SI: variants seen among roughly 807,000 people sequenced by gnomAD.
SI encodes sucrase-isomaltase.
SI carries 235 observed loss-of-function variants against 253.3 expected under a neutral mutation model. The observed-to-expected ratio is 0.93, with a 90% CI of 0.83 to 1.03. The LOEUF is 1.03. Ranked by LOEUF, SI falls within the 50% of genes least tolerant of loss-of-function variation. SI has a pLI of 0.00. For synonymous variants in SI, 819 were observed against 712.0 expected, an observed-to-expected ratio of 1.15 and a Z score of -2.39; for missense variants, 2,442 against 2,211.1, an observed-to-expected ratio of 1.10 and a Z score of -2.09.
intron 15 of SI, among the ~76,000 whole-genome samples, chr3:165,048,666 G>A (rs1346116108): frequency 2.6e-5 from 4 of 151,142 alleles, no homozygotes; most frequent in African/African-American, 9.7e-5. Context: ...CACCCAGGCT[G>A]GAGTGCAGTG....
chr3:165,073,669 C>T (rs1714746980), intron 3 of SI, among the ~76,000 whole-genome samples: 1 of 152,012 alleles, frequency 6.6e-6, no homozygotes, highest in African/African-American at 2.4e-5. Context: ...CAGCCCTCTG[C>T]ATCTGTGGAT....
At position 165,059,905 on chromosome 3, in the gene SI, T is replaced by C. The variant is rs531010619; in HGVS notation, c.1143A>G (p.Pro381=). Residue 381 remains proline, a synonymous_variant, in exon 10 of 48, where the codon CCA becomes CCG. Transcript: ENST00000264382. ...VVRRNREAGI[P]FDTQVTDIDY... ...ACGGACCCTTTATTCTACTTACAAA[T>C]GGTATGCCAGCTTCCCGGTTTCTCC... 3 of 1,611,298 alleles carry C rather than the reference T, an allele frequency of 1.9e-6. No homozygotes were observed. Among genetic ancestry groups the C allele is most frequent in the African/African-American group, 1.3e-5 (1 of 74,938 alleles).
At position 165,020,697 on chromosome 3, in the gene SI, ATATAT is replaced by A. The variant is rs964136148; in HGVS notation, c.3254+527_3254+531del. 1.1e-4 allele frequency among the ~76,000 whole-genome samples: 17 copies of A among 151,604 alleles called. 1 individual carries two copies. Among genetic ancestry groups the A allele is most frequent in the African/African-American group, 3.9e-4 (16 of 41,384 alleles). ...TTAAATTACATAAAAGTATATTTTA[ATATAT>A]TATAGTTTATAGATCTTTTGAATAA... On this transcript the variant is annotated intron_variant, in intron 27 of 47. Coordinates refer to ENST00000264382, the MANE Select transcript of SI (RefSeq NM_001041.4).
chr3:165,062,603 T>C, intron 8 of SI, 120 bp from the exon 9 acceptor site: 2 of 622,184 alleles, frequency 3.2e-6, no homozygotes, highest in Non-Finnish European at 5.8e-6. Context: ...GTTTAAATAA[T>C]TAAGAAATAA....
At chr3:165,040,651 T>C (rs1384439727) in intron 18 of SI, among the ~76,000 whole-genome samples, 2 of 152,106 alleles carry the variant, frequency 1.3e-5, no homozygotes, top group Non-Finnish European at 2.9e-5. Flanking sequence ...ATTTAGTTGA[T>C]GTATTTTTAA....
chr3:165,059,434 A>T, intron 10 of SI, 135 bp from the exon 11 acceptor site: 1 of 870,578 alleles, frequency 1.1e-6, no homozygotes, highest in South Asian at 1.5e-5. Context: ...TTTTCATTTC[A>T]CTAAAGAAGC....
At chr3:165,085,455 G>T in the SI span, among the ~76,000 whole-genome samples, 1 of 151,880 alleles carries the variant, frequency 6.6e-6, no homozygotes, top group Non-Finnish European at 1.5e-5. Context: ...TAAGTTTTTG[G>T]GCACAAAATA....
At chr3:165,061,776 A>G (rs1713996852) in intron 9 of SI, among the ~76,000 whole-genome samples, 1 of 151,954 alleles carries the variant, frequency 6.6e-6, no homozygotes, top group Admixed American at 6.6e-5. Flanking sequence ...CACCTCTCTA[A>G]AGCCCATATT....
intron 25 of SI, among the ~76,000 whole-genome samples, chr3:165,025,508 G>A (rs1346002066): frequency 6.6e-6 from 1 of 151,166 alleles, no homozygotes; most frequent in Non-Finnish European, 1.5e-5. Context: ...GAACACTTGG[G>A]ATATTCATCG....
At chr3:165,055,775 T>C (rs2108243194) in intron 12 of SI, among the ~76,000 whole-genome samples, 1 of 152,254 alleles carries the variant, frequency 6.6e-6, no homozygotes, top group Admixed American at 6.5e-5. Context: ...TTCAAGTACT[T>C]TCATAATTAC....
rs138054970 is a variant in SI, at chr3:164,987,163, C to T, written c.5172G>A (p.Leu1724=). The T allele has an allele frequency of 8.1e-6, 13 of 1,613,666 alleles. No homozygotes were observed. Among genetic ancestry groups the T allele is most frequent in the South Asian group, 3.3e-5 (3 of 91,068 alleles). Residue 1724 remains leucine (L), a synonymous_variant, in exon 45 of 48, where the codon CTG becomes CTA. Coordinates refer to ENST00000264382, the MANE Select transcript of SI (RefSeq NM_001041.4). ...CTATACTCTCTCCATCATCCCAAAA[C>T]AGAGAACCCTGTGCCATCTGATTAT... is the stretch of plus-strand genomic sequence containing the variant. ...ADDNQMAQGS[L]FWDDGESIDT...
chr3:165,082,488 G>A (rs148912847), upstream of SI, among the ~76,000 whole-genome samples: 15 of 151,990 alleles, frequency 9.9e-5, no homozygotes, highest in Non-Finnish European at 1.8e-4. Flanking sequence ...GCCTGGAGGC[G>A]GAGAACCAAA....
intron 25 of SI, 32 bp downstream of exon 25, chr3:165,030,680 A>ATATC: frequency 6.2e-7 from 1 of 1,600,942 alleles, no homozygotes; most frequent in Non-Finnish European, 8.5e-7. Context: ...TGTGATAACC[A>ATATC]TATCATGAGT....
At chr3:165,025,360 A>G (rs1711858107) in intron 25 of SI, among the ~76,000 whole-genome samples, 1 of 151,186 alleles carries the variant, frequency 6.6e-6, no homozygotes, top group Admixed American at 6.6e-5. Context: ...ATGTTAAATG[A>G]CCAAACCTAA....
At chr3:165,080,768 G>T (rs1350716344), upstream of SI, among the ~76,000 whole-genome samples, 1 of 152,012 alleles carries the variant, frequency 6.6e-6, no homozygotes, top group African/African-American at 2.4e-5. Flanking sequence ...GGAGGAAGGG[G>T]GGAGGGATAG....
At chr3:165,060,600 G>A (rs1450023815) in intron 9 of SI, among the ~76,000 whole-genome samples, 4 of 151,484 alleles carry the variant, frequency 2.6e-5, no homozygotes, top group Non-Finnish European at 2.9e-5. Flanking sequence ...TCTTCCTCCT[G>A]GGGACAAATG....
intron 27 of SI, 92 bp from the exon 28 acceptor site, chr3:165,019,862 A>G: frequency 8.8e-7 from 1 of 1,140,662 alleles, no homozygotes; most frequent in Non-Finnish European, 1.3e-6. Flanking sequence ...AGATTATCTA[A>G]AAATCAATAT....
chr3:165,012,930 C>G (rs1268806526), intron 34 of SI, 50 bp downstream of exon 34: 2 of 1,127,624 alleles, frequency 1.8e-6, no homozygotes, highest in Non-Finnish European at 2.7e-6. Flanking sequence ...ATAATCAAGT[C>G]TAAGTTTTGA....
intron 22 of SI, 71 bp downstream of exon 22, chr3:165,036,318 A>T: frequency 1.0e-6 from 1 of 977,636 alleles, no homozygotes; most frequent in Non-Finnish European, 1.7e-6. Flanking sequence ...AAATGATACA[A>T]CCTATATCAA....
Sources: allele counts gnomAD v4.1 joint callset (sites outside exome capture counted in the v4.1 genomes callset), GRCh38; gene constraint gnomAD v4.1.1; transcripts MANE v1.5; gene names NCBI Gene and HGNC (gene_info 2026-07-23, HGNC 2026-07-21).